Variants in ZNF90 observed in about 807,000 individuals in gnomAD.
The protein encoded by ZNF90 is zinc finger protein 90.
A neutral mutation model predicts 12.0 loss-of-function variants in ZNF90; 11 were observed. The ratio of observed to expected loss-of-function variants is 0.92; its 90% CI spans 0.58 to 1.52. ZNF90 has a LOEUF of 1.52. Among genes scored for constraint, ZNF90 ranks in the 40% most tolerant of loss-of-function variants. The probability of loss-of-function intolerance (pLI) is 0.00; values close to 1 mark genes in which losing one functional copy is unlikely to be tolerated. For missense variants in ZNF90, 765 were observed against 711.5 expected (o/e 1.08, Z -0.86); for synonymous variants, 232 against 240.1 (o/e 0.97, Z 0.31).
Position 20,104,149 on chromosome 19 carries a change from T to C in ZNF90, c.4-90T>C, listed in dbSNP as rs1555704131. On this transcript the variant is annotated intron_variant, in intron 1 of 3. Coordinates refer to ENST00000418063, the MANE Select transcript of ZNF90 (RefSeq NM_007138.2). ...GTCTTGTAAGTCAGAACCAATTCTC[T>C]TTACTCTCCAATTTCACCTTAACTC... The C allele has an allele frequency of 7.6e-6, 12 of 1,575,264 alleles. No homozygotes were observed. In the South Asian group the frequency reaches 1.4e-4, roughly 18 times the overall value.
chr19:20,091,781 T>C (rs1307335143), intron 1 of ZNF90, among the ~76,000 whole-genome samples: 5 of 152,242 alleles, frequency 3.3e-5, no homozygotes, highest in African/African-American at 1.2e-4. Flanking sequence ...TGCATGGTGC[T>C]GCAGAATATG....
At chr19:20,079,711 G>C (rs961533371) in intron 1 of ZNF90, 7 of 185,706 alleles carry the variant, frequency 3.8e-5, no homozygotes, top group Non-Finnish European at 7.9e-5. Context: ...TCAGACTGAG[G>C]GTAGCTCAAA....
intron 1 of ZNF90, among the ~76,000 whole-genome samples, chr19:20,094,374 G>A (rs1270754598): frequency 2.6e-5 from 4 of 152,220 alleles, no homozygotes; most frequent in South Asian, 2.1e-4. Flanking sequence ...AGAATAAGGC[G>A]GCCTTCTGGC....
chr19:20,080,276 C>A (rs1402204677), intron 1 of ZNF90: 14 of 574,368 alleles, frequency 2.4e-5, no homozygotes, highest in Non-Finnish European at 4.8e-5. Context: ...CGGACTAGCT[C>A]GTTATTAGAT....
In ZNF90 at chr19:20,078,501, C is replaced by CT. The variant is rs1214696622; in HGVS notation, c.3+370dup. 3.9e-5 allele frequency among the ~76,000 whole-genome samples: 6 copies of CT among 152,138 alleles called. No homozygotes were observed. The South Asian group carries it at 1.0e-3, about 26-fold the overall frequency. Reference sequence around the variant, plus strand: ...TTGGTCCATGGGGTTGACAGTTTCTCTTTTCTCCTATTAAAAACTTATGGG... The same window carrying CT: ...TTGGTCCATGGGGTTGACAGTTTCTCTTTTTCTCCTATTAAAAACTTATGGG... On this transcript the variant is annotated intron_variant, in intron 1 of 3. Coordinates refer to ENST00000418063, the MANE Select transcript of ZNF90 (RefSeq NM_007138.2).
intron 1 of ZNF90, among the ~76,000 whole-genome samples, chr19:20,092,730 G>A (rs1268877759): frequency 2.0e-5 from 3 of 152,220 alleles, no homozygotes; most frequent in Non-Finnish European, 4.4e-5. Context: ...GGGAGAGCAT[G>A]TGTGTTCTTA....
intron 1 of ZNF90, among the ~76,000 whole-genome samples, chr19:20,088,931 T>C (rs1555702412): frequency 6.6e-6 from 1 of 152,124 alleles, no homozygotes; most frequent in Non-Finnish European, 1.5e-5. Flanking sequence ...AACAGGGAGC[T>C]CTTCGGTCCT....
intron 1 of ZNF90, chr19:20,080,544 C>A (rs2088812655): frequency 1.3e-5 from 3 of 233,674 alleles, no homozygotes; most frequent in Middle Eastern, 1.4e-3. Context: ...GCCCATCTCT[C>A]AGCGCTGGCT....
At chr19:20,096,725 A>G (rs888003517) in intron 1 of ZNF90, among the ~76,000 whole-genome samples, 2 of 152,150 alleles carry the variant, frequency 1.3e-5, no homozygotes, top group Non-Finnish European at 2.9e-5. Flanking sequence ...CCATCTGGGC[A>G]TATACGTGCA....
intron 1 of ZNF90, among the ~76,000 whole-genome samples, chr19:20,094,759 C>T (rs1280822802): frequency 6.6e-6 from 1 of 151,192 alleles, no homozygotes; most frequent in Non-Finnish European, 1.5e-5. Flanking sequence ...AGTTGTAGGA[C>T]AGAGTTAGAC....
intron 1 of ZNF90, among the ~76,000 whole-genome samples, chr19:20,083,135 G>C (rs1392282915): frequency 6.6e-6 from 1 of 151,860 alleles, no homozygotes; most frequent in Non-Finnish European, 1.5e-5. Context: ...TAAATAACTA[G>C]GGAACTCAGA....
In ZNF90 at chr19:20,120,382, T is replaced by C. The variant is rs1381405282; in HGVS notation, c.*1022T>C. Reference sequence around the variant, plus strand: ...CACATATAAAGGGGGTTGTATTACCTTTACTTGCATCACAGATTTCATTGC... The same window carrying C: ...CACATATAAAGGGGGTTGTATTACCCTTACTTGCATCACAGATTTCATTGC... On this transcript the variant is annotated 3_prime_UTR_variant, in exon 4 of 4. Coordinates refer to ENST00000418063, the MANE Select transcript of ZNF90 (RefSeq NM_007138.2). 6.6e-6 allele frequency among the ~76,000 whole-genome samples: 1 copy of C among 152,212 alleles called. No homozygotes were observed. The highest frequency in any genetic ancestry group is 1.9e-4 in the East Asian group (1 of 5,194).
chr19:20,113,482 G>A (rs561064540), intron 3 of ZNF90, among the ~76,000 whole-genome samples: 11 of 150,496 alleles, frequency 7.3e-5, no homozygotes, highest in Non-Finnish European at 1.5e-4. Flanking sequence ...GTAAGCCACC[G>A]CACGCAGCTT....
chr19:20,083,105 A>G (rs1232216785), intron 1 of ZNF90, among the ~76,000 whole-genome samples: 1 of 151,950 alleles, frequency 6.6e-6, no homozygotes, highest in African/African-American at 2.4e-5. Flanking sequence ...CCTCTCTGAG[A>G]TGGTAGTGAT....
chr19:20,108,312 T>TA (rs1199484015), intron 3 of ZNF90, among the ~76,000 whole-genome samples: 2 of 152,120 alleles, frequency 1.3e-5, no homozygotes, highest in Admixed American at 6.6e-5. Context: ...GACAAATTGT[T>TA]AAAAAAAATT....
At chr19:20,112,796 T>A (rs1021052864) in intron 3 of ZNF90, among the ~76,000 whole-genome samples, 4 of 152,218 alleles carry the variant, frequency 2.6e-5, no homozygotes, top group Non-Finnish European at 4.4e-5. Context: ...TTGTTTTTTT[T>A]AATCTTCAAG....
At chr19:20,096,423 C>T (rs148536692) in intron 1 of ZNF90, among the ~76,000 whole-genome samples, 9 of 151,318 alleles carry the variant, frequency 5.9e-5, no homozygotes, top group South Asian at 4.2e-4. Flanking sequence ...GGGCTGATTC[C>T]GAAAAGAGAG....
chr19:20,091,101 A>C (rs1297707366), intron 1 of ZNF90, among the ~76,000 whole-genome samples: 1 of 152,122 alleles, frequency 6.6e-6, no homozygotes, highest in East Asian at 1.9e-4. Flanking sequence ...GTGGCCTTTC[A>C]GACCCTGTGG....
chr19:20,080,205 C>A (rs1202983543), intron 1 of ZNF90: 2 of 557,564 alleles, frequency 3.6e-6, no homozygotes, highest in Non-Finnish European at 7.1e-6. Context: ...GGGACTAGTA[C>A]CACCGTCCTG....
Sources: allele counts gnomAD v4.1 joint callset (sites outside exome capture counted in the v4.1 genomes callset), GRCh38; gene constraint gnomAD v4.1.1; transcripts MANE v1.5; gene names NCBI Gene and HGNC (gene_info 2026-07-23, HGNC 2026-07-21).